Variants in UBE3D observed in about 807,000 individuals in gnomAD.
UBE3D encodes the protein E3 ubiquitin-protein ligase E3D.
A neutral mutation model predicts 49.6 loss-of-function variants in UBE3D; 48 were observed. The observed-to-expected ratio is 0.97, with a 90% confidence interval of 0.77 to 1.23. The LOEUF is 1.23. Ranked by LOEUF, UBE3D falls within the 50% of genes most tolerant of loss-of-function variation. The pLI, the probability that UBE3D is intolerant of heterozygous loss-of-function variation, is 0.00. For missense variants in UBE3D, 452 were observed against 468.4 expected (o/e 0.96, Z 0.32); for synonymous variants, 189 against 174.2 (o/e 1.08, Z -0.67).
intron 8 of UBE3D, among the ~76,000 whole-genome samples, chr6:82,979,075 C>T (rs370077966): frequency 4.6e-5 from 7 of 152,200 alleles, no homozygotes; most frequent in East Asian, 3.9e-4. Flanking sequence ...ATATTCAAAA[C>T]GTTAGGCAAT....
chr6:82,955,173 A>C (rs933035771), intron 9 of UBE3D, among the ~76,000 whole-genome samples: 2 of 152,160 alleles, frequency 1.3e-5, no homozygotes, highest in African/African-American at 4.8e-5. Flanking sequence ...ACATCCTTAA[A>C]GGGGGCAAGG....
intron 8 of UBE3D, 199 bp downstream of exon 8, chr6:83,018,774 G>A: frequency 1.6e-6 from 1 of 617,720 alleles, no homozygotes; most frequent in African/African-American, 1.9e-5. Flanking sequence ...TTTGGTAAAA[G>A]CAAGCTTTCT....
chr6:82,893,617 T>G (rs866113848), intron 9 of UBE3D, among the ~76,000 whole-genome samples: 1 of 152,154 alleles, frequency 6.6e-6, no homozygotes, highest in Non-Finnish European at 1.5e-5. Flanking sequence ...AGAAACAAAC[T>G]TAACAAAGTC....
chr6:83,048,732 A>G (rs1415398323), intron 3 of UBE3D, among the ~76,000 whole-genome samples: 1 of 152,254 alleles, frequency 6.6e-6, no homozygotes, highest in Non-Finnish European at 1.5e-5. Context: ...TTTAAAGCAG[A>G]AAAAATTTTT....
Position 83,034,141 on chromosome 6 carries a change from G to C in UBE3D, c.667+4275C>G, listed in dbSNP as rs539232799. Among the ~76,000 whole-genome samples the C allele has an allele frequency of 2.0e-5, 3 of 152,100 alleles. No homozygotes were observed. The South Asian group carries it at 6.3e-4, about 32-fold the overall frequency. On this transcript the variant is annotated intron_variant, in intron 5 of 9. Coordinates refer to ENST00000369747, the MANE Select transcript of UBE3D (RefSeq NM_198920.3). ...TACATGTTTTCTACAGAATAAAATT[G>C]CCCATTCTCTTCATGACACTATTTT...
chr6:82,945,712 T>G (rs930903518), intron 9 of UBE3D, among the ~76,000 whole-genome samples: 1 of 152,116 alleles, frequency 6.6e-6, no homozygotes, highest in Non-Finnish European at 1.5e-5. Flanking sequence ...GTATGCGACT[T>G]TTTAGACAGA....
chr6:83,059,894 A>AGGAAATCTGAACAGGAGGTGAGGC (rs1399017450), intron 1 of UBE3D, among the ~76,000 whole-genome samples: 4 of 152,200 alleles, frequency 2.6e-5, no homozygotes, highest in Non-Finnish European at 5.9e-5. Flanking sequence ...ACAGGTGAGG[A>AGGAAATCTGAACAGGAGGTGAGGC]GGAAATCTGA....
chr6:83,041,427 C>A (rs1782661739), intron 4 of UBE3D, among the ~76,000 whole-genome samples: 1 of 152,110 alleles, frequency 6.6e-6, no homozygotes, highest in Admixed American at 6.5e-5. Context: ...TCTTTTAAGA[C>A]AATTGATAAA....
At chr6:82,984,632 T>C (rs1175650563) in intron 8 of UBE3D, among the ~76,000 whole-genome samples, 4 of 151,972 alleles carry the variant, frequency 2.6e-5, no homozygotes, top group Non-Finnish European at 4.4e-5. Context: ...TTATTAGGAG[T>C]GAGGGTGGGT....
intron 9 of UBE3D, among the ~76,000 whole-genome samples, chr6:82,911,126 T>C (rs1326564201): frequency 7.6e-6 from 1 of 132,342 alleles, no homozygotes; most frequent in African/African-American, 2.9e-5. Context: ...ACTATAGCCA[T>C]AATGTCATAG....
At chr6:82,900,206 CAG>C (rs1771629528) in intron 9 of UBE3D, among the ~76,000 whole-genome samples, 1 of 152,206 alleles carries the variant, frequency 6.6e-6, no homozygotes, top group African/African-American at 2.4e-5. Context: ...TATTCAGAAA[CAG>C]AGTTTCTAGA....
At chr6:83,001,094 T>C (rs1779601826) in intron 8 of UBE3D, among the ~76,000 whole-genome samples, 2 of 152,200 alleles carry the variant, frequency 1.3e-5, no homozygotes, top group African/African-American at 4.8e-5. Flanking sequence ...TCTGCCAGCG[T>C]TGGCTTCCCA....
At chr6:82,989,618 AT>A (rs1778749306) in intron 8 of UBE3D, among the ~76,000 whole-genome samples, 1 of 152,200 alleles carries the variant, frequency 6.6e-6, no homozygotes, top group South Asian at 2.1e-4. Context: ...GCTGTATTTC[AT>A]TAAAATTATA....
intron 5 of UBE3D, among the ~76,000 whole-genome samples, chr6:83,034,655 C>G (rs1782115755): frequency 6.6e-6 from 1 of 152,128 alleles, no homozygotes; most frequent in East Asian, 1.9e-4. Flanking sequence ...TGGCAATTCC[C>G]TGCTCTCTCT....
intron 3 of UBE3D, among the ~76,000 whole-genome samples, chr6:83,046,694 C>CG (rs1783082558): frequency 7.3e-6 from 1 of 137,504 alleles, no homozygotes; most frequent in Non-Finnish European, 1.5e-5. Context: ...GCGGTGGCAC[C>CG]GGGGGAGCAG....
intron 2 of UBE3D, 92 bp downstream of exon 2, chr6:83,057,734 A>C: frequency 7.6e-7 from 1 of 1,314,378 alleles, no homozygotes; most frequent in East Asian, 2.5e-5. Context: ...CAACCCCTTC[A>C]CCTGGGAAAA....
chr6:82,909,548 T>C (rs2127724553), intron 9 of UBE3D, among the ~76,000 whole-genome samples: 1 of 152,318 alleles, frequency 6.6e-6, no homozygotes, highest in Non-Finnish European at 1.5e-5. Context: ...AGAATTTTTT[T>C]CCTTAGGTTT....
chr6:82,971,694 G>C (rs1777362263), intron 8 of UBE3D, among the ~76,000 whole-genome samples: 1 of 152,050 alleles, frequency 6.6e-6, no homozygotes, highest in Non-Finnish European at 1.5e-5. Context: ...AAAGTGCTGG[G>C]ATTACAGGCA....
intron 9 of UBE3D, among the ~76,000 whole-genome samples, chr6:82,939,660 G>A (rs930618748): frequency 1.3e-5 from 2 of 152,236 alleles, no homozygotes; most frequent in African/African-American, 4.8e-5. Flanking sequence ...GCCTAGGTGT[G>A]TAGTAGACTG....
Sources: allele counts gnomAD v4.1 joint callset (sites outside exome capture counted in the v4.1 genomes callset), GRCh38; gene constraint gnomAD v4.1.1; transcripts MANE v1.5; gene names NCBI Gene and HGNC (gene_info 2026-07-23, HGNC 2026-07-21).